Variants in CNTN5 observed in about 807,000 individuals in gnomAD.
The protein encoded by CNTN5 is contactin 5.
CNTN5 carries 77 observed loss-of-function variants against 129.1 expected under a neutral mutation model. The ratio of observed to expected loss-of-function variants is 0.60; its 90% CI spans 0.50 to 0.72. The LOEUF (loss-of-function observed/expected upper bound fraction) is 0.72, where lower values mean the gene tolerates loss of function less well. CNTN5 is among the 30% of genes least tolerant of loss of function. The probability of loss-of-function intolerance (pLI) is 0.00; values close to 1 mark genes in which losing one functional copy is unlikely to be tolerated. For missense variants in CNTN5, 1,478 were observed against 1,328.8 expected, an observed-to-expected ratio of 1.11 and a Z score of -1.75; for synonymous variants, 509 against 465.6, an observed-to-expected ratio of 1.09 and a Z score of -1.20.
intron 3 of CNTN5, among the ~76,000 whole-genome samples, chr11:99,819,314 C>CCTCCCCTGTT (rs1946700434): frequency 1.2e-4 from 1 of 8,086 alleles, no homozygotes; most frequent in Non-Finnish European, 2.4e-4. Context: ...CCTCCCCTCT[C>CCTCCCCTGTT]CTCCCCTCCC....
chr11:100,290,096 G>A, intron 18 of CNTN5, among the ~76,000 whole-genome samples: 1 of 150,934 alleles, frequency 6.6e-6, no homozygotes, highest in Non-Finnish European at 1.5e-5. Context: ...ACTGCTCAAG[G>A]AAATAAAAGA....
intron 3 of CNTN5, among the ~76,000 whole-genome samples, chr11:99,600,307 C>T (rs1280333323): frequency 2.0e-5 from 3 of 152,160 alleles, no homozygotes; most frequent in African/African-American, 7.2e-5. Flanking sequence ...GCTATGTGAG[C>T]AATATAAGAC....
chr11:99,499,268 G>A (rs1473262336), intron 2 of CNTN5, among the ~76,000 whole-genome samples: 2 of 152,226 alleles, frequency 1.3e-5, no homozygotes, highest in South Asian at 2.1e-4. Flanking sequence ...TGGTTTGAAT[G>A]TGTCCCCTCC....
intron 13 of CNTN5, among the ~76,000 whole-genome samples, chr11:100,114,010 A>G (rs1198325349): frequency 6.6e-6 from 1 of 152,044 alleles, no homozygotes; most frequent in Non-Finnish European, 1.5e-5. Context: ...TCTTGAATGT[A>G]TATGGTCTTG....
At chr11:99,714,196 A>T (rs1056556800) in intron 3 of CNTN5, among the ~76,000 whole-genome samples, 18 of 151,960 alleles carry the variant, frequency 1.2e-4, no homozygotes, top group Non-Finnish European at 2.9e-5. Context: ...TTTCATTAAC[A>T]TTTATAGAAC....
chr11:99,322,795 T>C (rs766464920), intron 1 of CNTN5, among the ~76,000 whole-genome samples: 1 of 152,092 alleles, frequency 6.6e-6, no homozygotes, highest in African/African-American at 2.4e-5. Flanking sequence ...GGAGTTATGA[T>C]TGTAAAAAAG....
chr11:99,030,273 A>G (rs1863305885), intron 1 of CNTN5, among the ~76,000 whole-genome samples: 1 of 152,166 alleles, frequency 6.6e-6, no homozygotes, highest in South Asian at 2.1e-4. Flanking sequence ...ATAGATGCTT[A>G]CAAAATTTCT....
intron 2 of CNTN5, among the ~76,000 whole-genome samples, chr11:99,343,680 C>T (rs1410834060): frequency 6.6e-6 from 1 of 152,082 alleles, no homozygotes; most frequent in Non-Finnish European, 1.5e-5. Flanking sequence ...TAAAATTTTT[C>T]AAGGAGCATT....
intron 1 of CNTN5, among the ~76,000 whole-genome samples, chr11:99,022,530 T>C (rs1862920729): frequency 6.6e-6 from 1 of 152,162 alleles, no homozygotes; most frequent in Non-Finnish European, 1.5e-5. Flanking sequence ...CTAAGTTAAG[T>C]GGGGACTAGT....
chr11:99,325,125 A>C (rs1179132619), intron 1 of CNTN5, among the ~76,000 whole-genome samples: 1 of 152,062 alleles, frequency 6.6e-6, no homozygotes, highest in Non-Finnish European at 1.5e-5. Context: ...TTATATTATT[A>C]AATATAAATT....
chr11:99,043,074 G>A (rs552617306), intron 1 of CNTN5, among the ~76,000 whole-genome samples: 3 of 152,226 alleles, frequency 2.0e-5, no homozygotes, highest in Non-Finnish European at 4.4e-5. Flanking sequence ...AGAAAATAAA[G>A]AGTAAATATT....
intron 1 of CNTN5, among the ~76,000 whole-genome samples, chr11:99,132,143 G>A (rs903560687): frequency 2.0e-5 from 3 of 151,656 alleles, no homozygotes; most frequent in Non-Finnish European, 4.4e-5. Context: ...AACTAAAGAC[G>A]AAAACCATAT....
chr11:100,301,819 C>A (rs1476846033), intron 20 of CNTN5, among the ~76,000 whole-genome samples: 2 of 151,616 alleles, frequency 1.3e-5, no homozygotes, highest in Non-Finnish European at 3.0e-5. Context: ...CAAAATAGAA[C>A]ATCTCTGGAA....
At chr11:99,506,439 C>T (rs1008795636) in intron 2 of CNTN5, among the ~76,000 whole-genome samples, 1 of 152,178 alleles carries the variant, frequency 6.6e-6, no homozygotes, top group Non-Finnish European at 1.5e-5. Flanking sequence ...GGCAGGTTCA[C>T]ACCTCTGTCT....
At chr11:99,151,239 AAGAT>A (rs1181329367) in intron 1 of CNTN5, among the ~76,000 whole-genome samples, 1 of 151,956 alleles carries the variant, frequency 6.6e-6, no homozygotes, top group Non-Finnish European at 1.5e-5. Flanking sequence ...GTATCCTAGA[AAGAT>A]AGATAGGTTA....
chr11:100,236,986 G>A (rs980879604), intron 16 of CNTN5, among the ~76,000 whole-genome samples: 2 of 151,990 alleles, frequency 1.3e-5, no homozygotes, highest in Admixed American at 6.6e-5. Flanking sequence ...TCAGAAGATG[G>A]AGACAATCCT....
chr11:100,199,014 T>C (rs188519973), intron 15 of CNTN5, among the ~76,000 whole-genome samples: 5 of 152,104 alleles, frequency 3.3e-5, no homozygotes, highest in Non-Finnish European at 2.9e-5. Context: ...AAGTGCTCAA[T>C]TGGCAACATT....
intron 2 of CNTN5, among the ~76,000 whole-genome samples, chr11:99,341,838 T>C (rs1021072625): frequency 6.6e-6 from 1 of 152,166 alleles, no homozygotes; most frequent in African/African-American, 2.4e-5. Flanking sequence ...GAGTCCAGTT[T>C]CTTGAATTTG....
chr11:99,582,854 C>T (rs544999060), intron 3 of CNTN5, among the ~76,000 whole-genome samples: 4 of 152,198 alleles, frequency 2.6e-5, no homozygotes, highest in Non-Finnish European at 4.4e-5. Context: ...CAGCTTTGTT[C>T]CATTGCTGGT....
Sources: gnomAD v4.1 joint callset for allele counts (sites outside exome capture counted in the v4.1 genomes callset) on GRCh38, gnomAD v4.1.1 for gene constraint, MANE v1.5 for transcripts, NCBI Gene and HGNC (gene_info 2026-07-23, HGNC 2026-07-21) for gene names.